The following BTBD9 variants were observed in gnomAD, a reference collection of about 807,000 sequenced individuals.
BTBD9 encodes BTB/POZ domain-containing protein 9.
Under a neutral mutation model 64.3 loss-of-function variants are expected in BTBD9, and 49 were observed. The observed-to-expected ratio is 0.76, with a 90% CI of 0.61 to 0.97. The LOEUF (loss-of-function observed/expected upper bound fraction) is 0.97. Among genes scored for constraint, BTBD9 ranks in the 50% least tolerant of loss-of-function variants. BTBD9 has a pLI of 0.00. For missense variants in BTBD9, 598 were observed against 762.1 expected (o/e 0.78, Z 2.53); for synonymous variants, 260 against 274.7 (o/e 0.95, Z 0.53).
At chr6:38,521,912 T>C (rs1773288034) in intron 6 of BTBD9, among the ~76,000 whole-genome samples, 1 of 152,114 alleles carries the variant, frequency 6.6e-6, no homozygotes, top group Admixed American at 6.5e-5. Flanking sequence ...TGACCCCAGG[T>C]GATCCACCCG....
At chr6:38,592,512 G>A (rs934670561) in intron 4 of BTBD9, 64 bp downstream of exon 4, 21 of 1,565,042 alleles carry the variant, frequency 1.3e-5, no homozygotes, top group South Asian at 8.0e-5. Context: ...GTAGCTTTGC[G>A]GTTTTAATGG....
At chr6:38,434,545 A>G (rs1156702252) in intron 6 of BTBD9, among the ~76,000 whole-genome samples, 1 of 151,876 alleles carries the variant, frequency 6.6e-6, no homozygotes, top group African/African-American at 2.4e-5. Context: ...AAAATGTATA[A>G]AAAACCAAAC....
At chr6:38,396,971 G>A (rs1307226823) in intron 6 of BTBD9, among the ~76,000 whole-genome samples, 2 of 135,514 alleles carry the variant, frequency 1.5e-5, no homozygotes, top group African/African-American at 2.8e-5. Context: ...GCGCAATCTC[G>A]GCTCACTGCA....
chr6:38,236,855 G>A (rs1340210041), intron 9 of BTBD9, among the ~76,000 whole-genome samples: 5 of 152,280 alleles, frequency 3.3e-5, no homozygotes, highest in Non-Finnish European at 4.4e-5. Flanking sequence ...GAAAACAATA[G>A]CTCCCCAAAC....
intron 7 of BTBD9, among the ~76,000 whole-genome samples, chr6:38,318,640 C>T (rs893400598): frequency 6.6e-6 from 1 of 152,230 alleles, no homozygotes. Flanking sequence ...CTCTCTCCCT[C>T]TCTGCTTCAT....
At chr6:38,331,668 G>A (rs1177974850) in intron 7 of BTBD9, among the ~76,000 whole-genome samples, 1 of 152,134 alleles carries the variant, frequency 6.6e-6, no homozygotes, top group African/African-American at 2.4e-5. Context: ...AGACCAGCCT[G>A]AGCAAACATA....
At chr6:38,494,865 C>T (rs1346180122) in intron 6 of BTBD9, among the ~76,000 whole-genome samples, 3 of 152,128 alleles carry the variant, frequency 2.0e-5, no homozygotes, top group Non-Finnish European at 2.9e-5. Context: ...ATCATAATTC[C>T]ACTTTTAATA....
chr6:38,329,262 T>C (rs548048980), intron 7 of BTBD9, among the ~76,000 whole-genome samples: 1 of 152,062 alleles, frequency 6.6e-6, no homozygotes, highest in East Asian at 1.9e-4. Flanking sequence ...AATATTCCTT[T>C]AGGATGAATT....
At chr6:38,432,748 G>A (rs1768501937) in intron 6 of BTBD9, among the ~76,000 whole-genome samples, 1 of 151,872 alleles carries the variant, frequency 6.6e-6, no homozygotes, top group Non-Finnish European at 1.5e-5. Flanking sequence ...TTCAGTGTAT[G>A]AGGACCATTT....
intron 9 of BTBD9, among the ~76,000 whole-genome samples, chr6:38,196,646 A>C (rs1762282173): frequency 6.6e-6 from 1 of 152,240 alleles, no homozygotes; most frequent in South Asian, 2.1e-4. Flanking sequence ...GGACATGTGC[A>C]AGATGTAGTG....
intron 6 of BTBD9, among the ~76,000 whole-genome samples, chr6:38,404,415 G>A (rs1767077807): frequency 1.3e-5 from 2 of 152,076 alleles, no homozygotes; most frequent in South Asian, 4.1e-4. Flanking sequence ...ACTTGATACA[G>A]AAGTAGAATA....
chr6:38,518,108 C>T (rs574896888), intron 6 of BTBD9, among the ~76,000 whole-genome samples: 109 of 152,282 alleles, frequency 7.2e-4, no homozygotes, highest in African/African-American at 2.4e-3. Context: ...GCAAATGTCA[C>T]TAACTGAGAA....
intron 6 of BTBD9, among the ~76,000 whole-genome samples, chr6:38,509,486 C>A (rs1772685355): frequency 6.6e-6 from 1 of 152,122 alleles, no homozygotes; most frequent in East Asian, 1.9e-4. Flanking sequence ...TGGAAAGGCA[C>A]AGGTCACAGA....
In BTBD9 at chr6:38,184,980, C is replaced by T. The variant is rs75849231; in HGVS notation, c.1641+7539G>A. Among the ~76,000 whole-genome samples, 13,323 of 152,156 alleles carry T rather than the reference C, an allele frequency of 0.088. 807 individuals are homozygous for T. The highest frequency in any genetic ancestry group is 0.12 in the Non-Finnish European group (8,279 of 67,976). Reference sequence around the variant, plus strand: ...TGCAGACTTTCTGTCCTGCTGCTGTCGGCCCATGCAGATGCTCCTCTGACA... The same window carrying T: ...TGCAGACTTTCTGTCCTGCTGCTGTTGGCCCATGCAGATGCTCCTCTGACA... On this transcript the variant is annotated intron_variant, in intron 10 of 10. Transcript: ENST00000481247. This position sits in a 1 kb window ranked among gnomAD's most constrained non-coding sequence, Gnocchi z 4.4.
chr6:38,182,981 CTTT>C (rs34180118), intron 10 of BTBD9, among the ~76,000 whole-genome samples: 1 of 142,894 alleles, frequency 7.0e-6, no homozygotes. Flanking sequence ...AAAAGGTCTT[CTTT>C]TTTTTTTTTT....
chr6:38,574,344 G>C (rs1328231875), intron 6 of BTBD9, among the ~76,000 whole-genome samples: 2 of 152,114 alleles, frequency 1.3e-5, no homozygotes, highest in Non-Finnish European at 2.9e-5. Context: ...CAAAATATAT[G>C]AAAACTCCTA....
At chr6:38,282,831 C>T (rs1222819922) in intron 8 of BTBD9, among the ~76,000 whole-genome samples, 3 of 152,214 alleles carry the variant, frequency 2.0e-5, no homozygotes, top group Non-Finnish European at 4.4e-5. Context: ...CAATCTAAAA[C>T]TGGACTCTGT....
chr6:38,266,632 AAGAAAGAAAGAAAGAAAG>A (rs1225915362), intron 8 of BTBD9, among the ~76,000 whole-genome samples: 2 of 103,078 alleles, frequency 1.9e-5, no homozygotes, highest in Non-Finnish European at 4.0e-5. Flanking sequence ...GAAAGAAAGA[AAGAAAGAAAGAAAGAAAG>A]AAAGAAAGAA....
rs779681555 is a variant in BTBD9, at chr6:38,577,641, A to G, written c.1113T>C (p.Cys371=). 7 of 1,610,792 alleles carry G rather than the reference A, an allele frequency of 4.3e-6. No homozygotes were observed. The South Asian group carries it at 5.5e-5, about 13-fold the overall frequency. ...GAAAATATAATTTCTGCCAAGAACG[A>G]CACAGATATTGTGAATGATCTATCA... ...VRVIDHSQYL[C]RSWQKLYFPA... Residue 371 remains cysteine (C), a synonymous_variant, in exon 6 of 11, where the codon TGT becomes TGC. Transcript: ENST00000481247.
Sources: gnomAD v4.1 joint callset for allele counts (sites outside exome capture counted in the v4.1 genomes callset) on GRCh38, gnomAD v4.1.1 for gene constraint, Gnocchi (gnomAD v3.1) non-coding constraint, MANE v1.5 for transcripts, NCBI Gene and HGNC (gene_info 2026-07-23, HGNC 2026-07-21) for gene names.